TRANK1: variants seen among roughly 807,000 people sequenced by gnomAD.
TRANK1 encodes the protein tetratricopeptide repeat and ankyrin repeat containing 1.
A neutral mutation model predicts 266.0 loss-of-function variants in TRANK1; 198 were observed. The ratio of observed to expected loss-of-function variants is 0.74; its 90% CI spans 0.66 to 0.84. The LOEUF is 0.84. Among genes scored for constraint, TRANK1 ranks in the 40% least tolerant of loss-of-function variants. TRANK1 has a pLI of 0.00. For synonymous variants in TRANK1, 1,396 were observed against 1,384.1 expected, an observed-to-expected ratio of 1.01 and a Z score of -0.19; for missense variants, 3,326 against 3,634.6, an observed-to-expected ratio of 0.92 and a Z score of 2.18.
At position 36,899,263 on chromosome 3, in the gene TRANK1, G is replaced by A. The variant is rs372644666; in HGVS notation, c.283-4C>T. The A allele has an allele frequency of 3.2e-5, 49 of 1,536,494 alleles. No individual in the cohort carries two copies. In the African/African-American group the frequency reaches 5.6e-4, roughly 18 times the overall value. ...AATAACCAGCTCGGTAGTATCCCTG[G>A]AACAGGATAAAAAGCAAAACTGTCA... On this transcript the variant is annotated splice_region_variant and splice_polypyrimidine_tract_variant and intron_variant, in intron 3 of 23. Coordinates refer to ENST00000645898, the MANE Select transcript of TRANK1 (RefSeq NM_001329998.2).
intron 4 of TRANK1, among the ~76,000 whole-genome samples, chr3:36,898,332 C>T (rs998927900): frequency 6.6e-6 from 1 of 152,050 alleles, no homozygotes; most frequent in African/African-American, 2.4e-5. Flanking sequence ...CGCCTGTAAT[C>T]CCAGCTACTC....
chr3:36,879,938 G>GTAAACATACAAATATATA (rs2079489742), intron 8 of TRANK1, among the ~76,000 whole-genome samples: 1 of 12,444 alleles, frequency 8.0e-5, no homozygotes, highest in East Asian at 1.9e-3. Context: ...GCAAATATAT[G>GTAAACATACAAATATATA]TAAACATGCA....
intron 5 of TRANK1, 48 bp downstream of exon 5, chr3:36,895,592 T>C (rs1454911261): frequency 3.4e-6 from 4 of 1,163,006 alleles, no homozygotes; most frequent in Middle Eastern, 4.0e-4. Flanking sequence ...AAGGAATCAT[T>C]TCATCAAGAA....
chr3:36,936,687 A>G (rs945656989), intron 1 of TRANK1, among the ~76,000 whole-genome samples: 1 of 152,248 alleles, frequency 6.6e-6, no homozygotes, highest in Non-Finnish European at 1.5e-5. Flanking sequence ...AGGAAGGATG[A>G]GCTGAGAGCC....
chr3:36,833,622 G>C lies in TRANK1; in HGVS notation c.5961C>G (p.Phe1987Leu). The C allele has an allele frequency of 6.2e-7, 1 of 1,613,912 alleles. No homozygotes were observed. Among genetic ancestry groups the C allele is most frequent in the Non-Finnish European group, 8.5e-7 (1 of 1,179,844 alleles). The change falls in exon 22 of 24, where the codon TTC (phenylalanine) becomes TTG (leucine). Residue 1987 changes from phenylalanine (F) to leucine (L), a missense_variant. Physicochemically the swap from Phe to Leu is conservative, Grantham distance 22. Transcript: ENST00000645898. ...CGGCCCCCAGCAGACATGAGGCCTG[G>C]AAGTCCTTGTCGGCAGTGAGCCTGG... Reference protein sequence around the residue: ...EAARLTADKDFQASCLLGAAR... With the variant: ...EAARLTADKDLQASCLLGAAR...
chr3:36,834,511 TCATAA>T (rs1385546440), intron 21 of TRANK1: 13 of 420,234 alleles, frequency 3.1e-5, no homozygotes, highest in Middle Eastern at 6.1e-4. Flanking sequence ...ATATACACAC[TCATAA>T]CATACTCCCA....
At position 36,831,924 on chromosome 3, in the gene TRANK1, A is replaced by T. The variant is rs755417569; in HGVS notation, c.7659T>A (p.Tyr2553Ter). The T allele has an allele frequency of 1.2e-6, 2 of 1,614,008 alleles. No homozygotes were observed. The highest frequency in any genetic ancestry group is 2.2e-5 in the South Asian group (2 of 91,076). Residue 2553 changes from tyrosine (Y) to a stop codon, truncating the protein, a stop_gained, in exon 22 of 24, where the codon TAT (tyrosine) becomes TAA (stop). Transcript: ENST00000645898. LOFTEE classifies it high-confidence loss of function. This position sits in a 1 kb window ranked among gnomAD's most constrained non-coding sequence, Gnocchi z 5.0. ...VLLDAFSEID[Y>*]VVSGEAERTL... is the part of the protein sequence containing the mutation. ...TCCGCTCAGCCTCACCCGAGACCACATAGTCTATTTCACTGAAGGCATCAA... is the reference window on the plus strand; with the variant it reads ...TCCGCTCAGCCTCACCCGAGACCACTTAGTCTATTTCACTGAAGGCATCAA...
chr3:36,870,979 A>T (rs1463239624), intron 9 of TRANK1, among the ~76,000 whole-genome samples: 1 of 151,612 alleles, frequency 6.6e-6, no homozygotes, highest in Non-Finnish European at 1.5e-5. Context: ...AAAAAAAAAA[A>T]AAAAAAAACC....
chr3:36,850,153 C>T, intron 15 of TRANK1: 1 of 985,406 alleles, frequency 1.0e-6, no homozygotes, highest in Non-Finnish European at 1.2e-6. Context: ...CAAAGTCTTA[C>T]CCTTCCTCTT....
At chr3:36,851,648 T>A in intron 15 of TRANK1, 71 bp downstream of exon 15, 1 of 1,513,608 alleles carries the variant, frequency 6.6e-7, no homozygotes, top group African/African-American at 1.4e-5. Flanking sequence ...AACTCCAAAT[T>A]CTCTTCCCCA....
intron 1 of TRANK1, among the ~76,000 whole-genome samples, chr3:36,934,276 C>A (rs1419390867): frequency 6.6e-6 from 1 of 152,130 alleles, no homozygotes; most frequent in Non-Finnish European, 1.5e-5. Context: ...TGAGAAGAAG[C>A]CAATTTCTGG....
chr3:36,897,845 C>T (rs2079815151), intron 4 of TRANK1, among the ~76,000 whole-genome samples: 1 of 152,256 alleles, frequency 6.6e-6, no homozygotes, highest in Non-Finnish European at 1.5e-5. Context: ...ACTGCACCAT[C>T]ACTGCCAAGG....
intron 23 of TRANK1, 57 bp downstream of exon 23, chr3:36,829,507 G>C: frequency 6.3e-7 from 1 of 1,575,820 alleles, no homozygotes; most frequent in Non-Finnish European, 8.7e-7. Flanking sequence ...GGAGCCAGCA[G>C]TAATAAGAAC....
At position 36,855,604 on chromosome 3, in the gene TRANK1, T is replaced by A; in HGVS notation, c.4118A>T (p.Tyr1373Phe). 6.2e-7 allele frequency: 1 copy of A among 1,613,970 alleles called. No individual in the cohort carries two copies. Among genetic ancestry groups the A allele is most frequent in the Non-Finnish European group, 8.5e-7 (1 of 1,179,870 alleles). Residue 1373 changes from tyrosine (Y) to phenylalanine (F), a missense_variant, in exon 13 of 24, where the codon TAT (tyrosine) becomes TTT (phenylalanine). Coordinates refer to ENST00000645898, the MANE Select transcript of TRANK1 (RefSeq NM_001329998.2). ...CPHGRLTEEVYKKLGRKRCPN... is the reference protein window; with the variant it reads ...CPHGRLTEEVFKKLGRKRCPN... ...GCACCGTTTCCTCCCTAATTTCTTA[T>A]ATACTTCTTCAGTGAGTCTCCCATG...
intron 2 of TRANK1, among the ~76,000 whole-genome samples, chr3:36,905,041 G>C (rs954923577): frequency 3.3e-5 from 5 of 151,582 alleles, no homozygotes; most frequent in Non-Finnish European, 7.4e-5. Flanking sequence ...TGTAATCCCA[G>C]CACTTTAGGA....
At chr3:36,943,537 A>G (rs2080527158) in intron 1 of TRANK1, among the ~76,000 whole-genome samples, 1 of 143,390 alleles carries the variant, frequency 7.0e-6, no homozygotes, top group South Asian at 2.2e-4. Flanking sequence ...GAACTCAAGC[A>G]CCTATCCTGC....
Position 36,855,157 on chromosome 3 carries a change from C to A in TRANK1, c.4549+16G>T. 1 of 1,591,584 alleles carries A rather than the reference C, an allele frequency of 6.3e-7. No homozygotes were observed. The highest frequency in any genetic ancestry group is 1.7e-5 in the Admixed American group (1 of 58,952). On this transcript the variant is annotated intron_variant, in intron 13 of 23. Coordinates refer to ENST00000645898, the MANE Select transcript of TRANK1 (RefSeq NM_001329998.2). Reference sequence around the variant, plus strand: ...CCTAAGCACCCCCAGTAGGCAAACCCAAGAGCTGGACTTACCTGAGTGGGA... The same window carrying A: ...CCTAAGCACCCCCAGTAGGCAAACCAAAGAGCTGGACTTACCTGAGTGGGA...
intron 8 of TRANK1, chr3:36,880,853 T>C (rs1031031950): frequency 2.2e-4 from 34 of 151,124 alleles, no homozygotes; most frequent in Admixed American, 2.2e-3. Context: ...ACTCGTCATT[T>C]AGCATTAGGT....
In TRANK1 at chr3:36,831,601, C is replaced by T. The variant is rs200132397; in HGVS notation, c.7982G>A (p.Arg2661His). 289 of 1,613,848 alleles carry T rather than the reference C, an allele frequency of 1.8e-4. No homozygotes were observed. Among genetic ancestry groups the T allele is most frequent in the African/African-American group, 1.1e-3 (82 of 75,046 alleles). The stretch of plus-strand genomic sequence containing the variant: ...TCTGACCTCCTCATAATAGAGGCCA[C>T]GGACTATGGACCCTTTGGTGTGCAC... ...DPVHTKGSIVRGLYYEEVRLN... is the reference protein window; with the variant it reads ...DPVHTKGSIVHGLYYEEVRLN... The change falls in exon 22 of 24, where the codon CGT (arginine) becomes CAT (histidine). Residue 2661 changes from arginine (R) to histidine (H), a missense_variant. Arg to His is a conservative substitution (Grantham distance 29). Coordinates refer to ENST00000645898, the MANE Select transcript of TRANK1 (RefSeq NM_001329998.2). The surrounding 1 kb of genome is among the most constrained non-coding windows in gnomAD (Gnocchi z 5.0).
Sources: gnomAD v4.1 joint callset for allele counts (sites outside exome capture counted in the v4.1 genomes callset) on GRCh38, gnomAD v4.1.1 for gene constraint, Gnocchi (gnomAD v3.1) non-coding constraint, MANE v1.5 for transcripts, NCBI Gene and HGNC (gene_info 2026-07-23, HGNC 2026-07-21) for gene names.